Variants in YWHAQ observed in about 807,000 individuals in gnomAD.
YWHAQ encodes tyrosine 3-monooxygenase/tryptophan 5-monooxygenase activation protein theta, also known as 14-3-3 protein theta.
A neutral mutation model predicts 28.3 loss-of-function variants in YWHAQ; 6 were observed. That is an observed-to-expected ratio of 0.21 (90% CI 0.12 to 0.42). YWHAQ has a LOEUF of 0.42. Ranked by LOEUF, YWHAQ falls within the 10% of genes least tolerant of loss-of-function variation. The pLI is 1.00. For synonymous variants in YWHAQ, 143 were observed against 119.1 expected (o/e 1.20, Z -1.31); for missense variants, 201 against 305.6 (o/e 0.66, Z 2.55).
chr2:9,613,740 T>A (rs920708759), intron 2 of YWHAQ, among the ~76,000 whole-genome samples: 1 of 152,210 alleles, frequency 6.6e-6, no homozygotes, highest in Non-Finnish European at 1.5e-5. Context: ...CACAGTGGTG[T>A]CTTACAGGGA....
intron 2 of YWHAQ, among the ~76,000 whole-genome samples, chr2:9,619,771 A>C (rs1274063765): frequency 6.6e-6 from 1 of 152,214 alleles, no homozygotes; most frequent in Admixed American, 6.5e-5. Context: ...CAGAATCCCA[A>C]GAGGGCAAAC....
Position 9,625,909 on chromosome 2 carries a change from T to C in YWHAQ, c.294+4250A>G, listed in dbSNP as rs75770018. On this transcript the variant is annotated intron_variant, in intron 2 of 5. Coordinates refer to ENST00000238081, the MANE Select transcript of YWHAQ (RefSeq NM_006826.4). ...AAAAATTGATTCAGAGCCCATACTTTTTCCACTGTGTCAATAAAATCACAT... is the reference window on the plus strand; with the variant it reads ...AAAAATTGATTCAGAGCCCATACTTCTTCCACTGTGTCAATAAAATCACAT... Among the ~76,000 whole-genome samples, 619 of 152,312 alleles carry C rather than the reference T, an allele frequency of 4.1e-3. 8 individuals are homozygous for C. Among genetic ancestry groups the C allele is most frequent in the African/African-American group, 0.014 (587 of 41,572 alleles).
chr2:9,600,549 T>C (rs1666672201), intron 2 of YWHAQ, among the ~76,000 whole-genome samples: 1 of 151,768 alleles, frequency 6.6e-6, no homozygotes, highest in Admixed American at 6.6e-5. Context: ...CTACTAAAAA[T>C]ACAAAATTAG....
intron 4 of YWHAQ, among the ~76,000 whole-genome samples, chr2:9,587,822 T>C (rs1666376459): frequency 1.3e-5 from 2 of 152,252 alleles, no homozygotes; most frequent in Admixed American, 6.5e-5. Context: ...TTCTCTCGTT[T>C]TGAGCCACTT....
chr2:9,599,201 T>C (rs1026081283), intron 2 of YWHAQ, among the ~76,000 whole-genome samples: 3 of 152,202 alleles, frequency 2.0e-5, no homozygotes, highest in Admixed American at 1.3e-4. Context: ...GTAAGGAAGC[T>C]GCATAAGAAA....
At chr2:9,597,052 T>C (rs1449633783) in intron 2 of YWHAQ, among the ~76,000 whole-genome samples, 3 of 152,248 alleles carry the variant, frequency 2.0e-5, no homozygotes, top group East Asian at 1.9e-4. Flanking sequence ...TTTTATACTA[T>C]CGTTAGCTCT....
At chr2:9,585,467 T>TC in intron 5 of YWHAQ, 122 bp from the exon 6 acceptor site, 1 of 1,120,394 alleles carries the variant, frequency 8.9e-7, no homozygotes, top group South Asian at 1.4e-5. Flanking sequence ...AGATCTTGAC[T>TC]AAGACTGAAG....
rs1666304959 is a variant in YWHAQ at position 9,584,399 on chromosome 2, T to G, written c.*887A>C. On this transcript the variant is annotated 3_prime_UTR_variant, in exon 6 of 6. Transcript: ENST00000238081. ...AGTGGTCCAACTCTCTAAATAACAATCACTAGACAAACTGGACACCCTCTC... is the reference window on the plus strand; with the variant it reads ...AGTGGTCCAACTCTCTAAATAACAAGCACTAGACAAACTGGACACCCTCTC... 6.6e-6 allele frequency: 1 copy of G among 152,608 alleles called. No individual in the cohort carries two copies. The highest frequency in any genetic ancestry group is 1.5e-5 in the Non-Finnish European group (1 of 68,042). 9.5% of individuals were successfully genotyped at this position (152,608 alleles called of 1,614,324 possible). A position where few individuals can be genotyped will look rare whatever the true frequency, so the allele number is the denominator to read the frequency against.
At chr2:9,628,641 G>A (rs895321719) in intron 2 of YWHAQ, 29 of 152,110 alleles carry the variant, frequency 1.9e-4, no homozygotes, top group African/African-American at 6.8e-4. Context: ...TCTTCCCTTG[G>A]TAACAGATAA....
rs1667353013 is a variant in YWHAQ at position 9,630,608 on chromosome 2, C to T, written c.-82-74G>A. 5.9e-6 allele frequency: 4 copies of T among 682,744 alleles called. No individual in the cohort carries two copies. The highest frequency in any genetic ancestry group is 9.2e-6 in the Non-Finnish European group (4 of 435,296). The allele number at this position is 682,744 out of a possible 1,614,324, so 42.3% of individuals were successfully genotyped here. ...CGCCGTCAGACAATGCGGCCCGCCG[C>T]CCGCTTTTGTCTCCCGCACACGCGG... is the stretch of plus-strand genomic sequence containing the variant. On this transcript the variant is annotated intron_variant, in intron 1 of 5. Transcript: ENST00000238081. The surrounding 1 kb of genome is among the most constrained non-coding windows in gnomAD (Gnocchi z 5.6).
chr2:9,619,162 A>G (rs2125072575), intron 2 of YWHAQ, among the ~76,000 whole-genome samples: 1 of 152,340 alleles, frequency 6.6e-6, no homozygotes, highest in South Asian at 2.1e-4. Context: ...ATAAGTTTAT[A>G]AACATTTACC....
chr2:9,591,679 G>A (rs1025501104), intron 2 of YWHAQ, among the ~76,000 whole-genome samples, 164 bp from the exon 3 acceptor site: 8 of 152,208 alleles, frequency 5.3e-5, no homozygotes, highest in Non-Finnish European at 5.9e-5. Context: ...GCAGGGGTTA[G>A]GTTGTTGCCA....
intron 2 of YWHAQ, among the ~76,000 whole-genome samples, chr2:9,592,491 C>T (rs1666477127): frequency 6.6e-6 from 1 of 151,956 alleles, no homozygotes; most frequent in Non-Finnish European, 1.5e-5. Context: ...TTTAGGATGC[C>T]AAGGCGGGCA....
chr2:9,595,224 ATGG>A (rs1666546032), intron 2 of YWHAQ, among the ~76,000 whole-genome samples: 1 of 152,238 alleles, frequency 6.6e-6, no homozygotes, highest in Non-Finnish European at 1.5e-5. Context: ...AAAAGACATA[ATGG>A]AGTCTGCTTC....
intron 3 of YWHAQ, among the ~76,000 whole-genome samples, chr2:9,588,871 G>C (rs185008560): frequency 6.6e-6 from 1 of 152,214 alleles, no homozygotes; most frequent in African/African-American, 2.4e-5. Flanking sequence ...ACTTTGGGAA[G>C]GTGAGGCAGG....
chr2:9,629,659 G>T (rs1003404522), intron 2 of YWHAQ, among the ~76,000 whole-genome samples: 1 of 152,120 alleles, frequency 6.6e-6, no homozygotes, highest in East Asian at 1.9e-4. Flanking sequence ...GTGGGGGGGA[G>T]CACAACAGAT....
chr2:9,620,242 A>G (rs535694439), intron 2 of YWHAQ, among the ~76,000 whole-genome samples: 1 of 152,352 alleles, frequency 6.6e-6, no homozygotes, highest in South Asian at 2.1e-4. Flanking sequence ...AGGAGACAGA[A>G]TGTTCAAATG....
intron 2 of YWHAQ, among the ~76,000 whole-genome samples, chr2:9,604,686 G>C (rs1422149627): frequency 6.6e-6 from 1 of 152,120 alleles, no homozygotes; most frequent in African/African-American, 2.4e-5. Flanking sequence ...TGAACCCACA[G>C]GTTCCAGAGG....
At chr2:9,604,272 C>T (rs1278990420) in intron 2 of YWHAQ, among the ~76,000 whole-genome samples, 3 of 151,914 alleles carry the variant, frequency 2.0e-5, no homozygotes, top group African/African-American at 4.8e-5. Context: ...TATTCCAAGG[C>T]GAAGACTGGC....
Sources: allele counts gnomAD v4.1 joint callset (sites outside exome capture counted in the v4.1 genomes callset), GRCh38; gene constraint gnomAD v4.1.1; non-coding constraint Gnocchi (gnomAD v3.1); transcripts MANE v1.5; gene names NCBI Gene and HGNC (gene_info 2026-07-23, HGNC 2026-07-21).